Variants in DSC3 observed in about 807,000 individuals in gnomAD.
The protein encoded by DSC3 is desmocollin-3.
In DSC3, 97 loss-of-function variants were observed where a neutral mutation model predicts 89.5. The ratio of observed to expected loss-of-function variants is 1.08; its 90% CI spans 0.92 to 1.28. DSC3 has a LOEUF of 1.28. Ranked by LOEUF, DSC3 falls within the 50% of genes most tolerant of loss-of-function variation. The probability of loss-of-function intolerance (pLI) is 0.00; values close to 1 mark genes in which losing one functional copy is unlikely to be tolerated. For synonymous variants in DSC3, 436 were observed against 384.1 expected, an observed-to-expected ratio of 1.14 and a Z score of -1.58; for missense variants, 1,199 against 1,085.3, an observed-to-expected ratio of 1.10 and a Z score of -1.47.
At chr18:31,013,799 T>C (rs1296333361) in intron 9 of DSC3, among the ~76,000 whole-genome samples, 2 of 152,132 alleles carry the variant, frequency 1.3e-5, no homozygotes, top group Non-Finnish European at 2.9e-5. Flanking sequence ...CTGATGAGCA[T>C]GTCAACATGC....
intron 15 of DSC3, among the ~76,000 whole-genome samples, chr18:30,995,137 G>A (rs1984412018): frequency 6.6e-6 from 1 of 152,152 alleles, no homozygotes; most frequent in Non-Finnish European, 1.5e-5. Flanking sequence ...TGGCCTGTCT[G>A]CCAACTCGTC....
chr18:31,012,043 A>G (rs568835861), intron 9 of DSC3, among the ~76,000 whole-genome samples: 15 of 151,956 alleles, frequency 9.9e-5, no homozygotes, highest in Admixed American at 4.6e-4. Flanking sequence ...AAGGAAAAGA[A>G]TAAGATACTT....
chr18:31,010,724 A>T (rs898943349), intron 9 of DSC3, among the ~76,000 whole-genome samples: 3 of 152,190 alleles, frequency 2.0e-5, no homozygotes, highest in African/African-American at 7.2e-5. Context: ...AGGACTCTCC[A>T]TGTTGAGAAG....
intron 3 of DSC3, 50 bp from the exon 4 acceptor site, chr18:31,029,678 T>C (rs183043032): frequency 4.2e-5 from 68 of 1,609,392 alleles, no homozygotes; most frequent in Non-Finnish European, 6.8e-6. Flanking sequence ...CATCACAGTC[T>C]ACTTTGTGTA....
In DSC3 at chr18:30,995,996, A is replaced by AAAGAAAG. The variant is rs1555631969; in HGVS notation, c.2493+794_2493+795insCTTTCTT. Among the ~76,000 whole-genome samples the AAAGAAAG allele has an allele frequency of 1.9e-3, 255 of 136,462 alleles. 17 individuals are homozygous for AAAGAAAG. The highest frequency in any genetic ancestry group is 6.9e-3 in the African/African-American group (230 of 33,570). The allele number at this position is 136,462 out of a possible 152,430, so 89.5% of individuals were successfully genotyped here. A position where few individuals can be genotyped will look rare whatever the true frequency, so the allele number is the denominator to read the frequency against. On this transcript the variant is annotated intron_variant, in intron 15 of 15. Transcript: ENST00000360428. ...TAAAAAAAAAAAAAAAAAAAAAAAA[A>AAAGAAAG]AAAGAAAAGAAAGAAAAAAGCTTCT...
chr18:31,020,799 C>T (rs1985393102), intron 7 of DSC3, among the ~76,000 whole-genome samples: 1 of 151,914 alleles, frequency 6.6e-6, no homozygotes, highest in South Asian at 2.1e-4. Context: ...AAAAATCAGC[C>T]AAGCATGGTG....
In DSC3 at chr18:31,008,332, ACTG is replaced by A. The variant is rs778325423; in HGVS notation, c.1454_1456del (p.Ala485del). On this transcript the variant is annotated inframe_deletion, in exon 10 of 16. Coordinates refer to ENST00000360428, the MANE Select transcript of DSC3 (RefSeq NM_001941.5). ...CTTATAGCCGTTGATCTTTGACCCC[ACTG>A]CTAAGTTTTCTTTAATCCGCACATA... 38 of 1,613,928 alleles carry A rather than the reference ACTG, an allele frequency of 2.4e-5. No individual in the cohort carries two copies. The Admixed American group carries it at 5.0e-4, about 21-fold the overall frequency.
At position 31,024,411 on chromosome 18, in the gene DSC3, T is replaced by C; in HGVS notation, c.713A>G (p.Asp238Gly). ...PLPIRVEDEN[D>G]NHPVFTEAIY... ...TGCTTCTGTGAAAACAGGGTGGTTG[T>C]CATTTTCATCCTCTACCCTGATGGG... The change falls in exon 6 of 16, where the codon GAC becomes GGC. Residue 238 changes from aspartate to glycine, a missense_variant. By Grantham distance (94) the Asp-to-Gly change is moderately conservative. Transcript: ENST00000360428. The C allele has an allele frequency of 6.2e-7, 1 of 1,610,102 alleles. No homozygotes were observed. Among genetic ancestry groups the C allele is most frequent in the Non-Finnish European group, 8.5e-7 (1 of 1,177,154 alleles).
chr18:30,995,654 C>A (rs749582969), intron 15 of DSC3, among the ~76,000 whole-genome samples: 28 of 152,052 alleles, frequency 1.8e-4, no homozygotes, highest in Non-Finnish European at 3.2e-4. Context: ...TAGAACACAG[C>A]CATTAGTTAT....
intron 9 of DSC3, among the ~76,000 whole-genome samples, chr18:31,014,795 A>C (rs1473068577): frequency 6.6e-6 from 1 of 152,144 alleles, no homozygotes; most frequent in Admixed American, 6.6e-5. Context: ...GAGGTATGGC[A>C]TGCAGTAATG....
chr18:31,003,416 T>C (rs1984733859), intron 13 of DSC3, among the ~76,000 whole-genome samples: 1 of 152,230 alleles, frequency 6.6e-6, no homozygotes. Flanking sequence ...TTTGACTTGA[T>C]GAAAAATAAT....
chr18:31,031,732 G>A (rs73413621), intron 2 of DSC3, among the ~76,000 whole-genome samples: 11 of 152,128 alleles, frequency 7.2e-5, no homozygotes, highest in Non-Finnish European at 1.5e-4. Flanking sequence ...TTCCAAGGCC[G>A]CACACTGAAA....
chr18:31,028,025 T>G (rs1343192120), intron 4 of DSC3, among the ~76,000 whole-genome samples: 1 of 152,122 alleles, frequency 6.6e-6, no homozygotes, highest in Non-Finnish European at 1.5e-5. Context: ...TGAAACCCTA[T>G]TAAACTTCCA....
In DSC3 at chr18:31,029,629, C is replaced by T; in HGVS notation, c.355-1G>A. 1 of 1,613,640 alleles carries T rather than the reference C, an allele frequency of 6.2e-7. No homozygotes were observed. The highest frequency in any genetic ancestry group is 8.5e-7 in the Non-Finnish European group (1 of 1,179,586). ...CTCTAGTGTGTCTTGTCTTCGATAC[C>T]TGAATTTAGAGAAAAACAAATACAT... On this transcript the variant is annotated splice_acceptor_variant, in intron 3 of 15. Transcript: ENST00000360428. LOFTEE classifies it high-confidence loss of function.
At chr18:31,035,460 AC>A (rs776119469) in intron 1 of DSC3, among the ~76,000 whole-genome samples, 4 of 152,190 alleles carry the variant, frequency 2.6e-5, no homozygotes, top group South Asian at 2.1e-4. Context: ...TTTAAAAAAA[AC>A]ATATCATACA....
chr18:31,038,039 A>C (rs1372340737), intron 1 of DSC3, among the ~76,000 whole-genome samples: 1 of 152,202 alleles, frequency 6.6e-6, no homozygotes, highest in Non-Finnish European at 1.5e-5. Flanking sequence ...ATGTTAAAAT[A>C]CAATAATAGA....
At chr18:30,994,655 T>C (rs1243567804) in intron 15 of DSC3, among the ~76,000 whole-genome samples, 1 of 152,186 alleles carries the variant, frequency 6.6e-6, no homozygotes, top group East Asian at 1.9e-4. Flanking sequence ...CCCTAAATTT[T>C]ATACACAGAG....
chr18:31,027,464 T>TTTCC (rs60932501), intron 4 of DSC3, among the ~76,000 whole-genome samples: 9,493 of 147,594 alleles, frequency 0.064, 468 homozygotes, highest in African/African-American at 0.13. Context: ...GATGCATTGG[T>TTTCC]TTCCTTCCTT....
chr18:31,033,393 G>A (rs1275975414), intron 1 of DSC3, among the ~76,000 whole-genome samples: 1 of 152,108 alleles, frequency 6.6e-6, no homozygotes, highest in African/African-American at 2.4e-5. Context: ...TCAAAACAGA[G>A]TGGTGCTGGC....
Sources: gnomAD v4.1 joint callset for allele counts (sites outside exome capture counted in the v4.1 genomes callset) on GRCh38, gnomAD v4.1.1 for gene constraint, MANE v1.5 for transcripts, NCBI Gene and HGNC (gene_info 2026-07-23, HGNC 2026-07-21) for gene names.